Variants in CCNY observed in about 807,000 individuals in gnomAD.
CCNY encodes the protein cyclin-Y.
Under a neutral mutation model 42.8 loss-of-function variants are expected in CCNY, and 19 were observed. The ratio of observed to expected loss-of-function variants is 0.44; its 90% CI spans 0.31 to 0.65. The LOEUF (loss-of-function observed/expected upper bound fraction) is 0.65, where lower values mean the gene tolerates loss of function less well. Among genes scored for constraint, CCNY ranks in the 30% least tolerant of loss-of-function variants. The probability of loss-of-function intolerance (pLI) is 0.07; values close to 1 mark genes in which losing one functional copy is unlikely to be tolerated. For synonymous variants in CCNY, 165 were observed against 162.7 expected (o/e 1.01, Z -0.11); for missense variants, 370 against 437.3 (o/e 0.85, Z 1.37).
intron 7 of CCNY, among the ~76,000 whole-genome samples, chr10:35,534,268 C>T (rs1454018811): frequency 6.6e-6 from 1 of 152,156 alleles, no homozygotes; most frequent in Non-Finnish European, 1.5e-5. Flanking sequence ...GTGATCTGCC[C>T]ACCTCAGCCT....
intron 3 of CCNY, among the ~76,000 whole-genome samples, chr10:35,329,715 G>A (rs1167305350): frequency 6.6e-6 from 1 of 152,184 alleles, no homozygotes; most frequent in African/African-American, 2.4e-5. Flanking sequence ...CGAGGTCACA[G>A]GAGTAAAGTG....
chr10:35,437,099 A>G (rs1838552658), intron 1 of CCNY, among the ~76,000 whole-genome samples: 1 of 152,226 alleles, frequency 6.6e-6, no homozygotes, highest in Admixed American at 6.5e-5. Context: ...TCATGAGAAC[A>G]GTATGAGGGA....
At chr10:35,515,713 G>A (rs535248031) in intron 3 of CCNY, among the ~76,000 whole-genome samples, 4 of 152,290 alleles carry the variant, frequency 2.6e-5, no homozygotes, top group African/African-American at 9.6e-5. Context: ...GAACTATCCA[G>A]ATTGATGTGT....
Position 35,530,268 on chromosome 10 carries a change from C to T in CCNY, c.579+25C>T. On this transcript the variant is annotated intron_variant, in intron 7 of 9. Coordinates refer to ENST00000374704, the MANE Select transcript of CCNY (RefSeq NM_145012.6). The surrounding 1 kb of genome is among the most constrained non-coding windows in gnomAD (Gnocchi z 4.3). ...GGTGAGTGCCCTCAGGATGGCCACA[C>T]CCATCCCCAGCCGAGGTGGTCCAGG... The T allele has an allele frequency of 1.9e-6, 3 of 1,613,822 alleles. No individual in the cohort carries two copies. The South Asian group carries it at 3.3e-5, about 18-fold the overall frequency.
chr10:35,337,108 G>A lies in CCNY; in HGVS notation c.55G>A (p.Ala19Thr). 6.3e-7 allele frequency: 1 copy of A among 1,593,724 alleles called. No individual in the cohort carries two copies. Among genetic ancestry groups the A allele is most frequent in the Non-Finnish European group, 8.5e-7 (1 of 1,172,038 alleles). Residue 19 changes from alanine (A) to threonine (T), a missense_variant, in exon 1 of 10, where the codon GCC becomes ACC. Coordinates refer to ENST00000374704, the MANE Select transcript of CCNY (RefSeq NM_145012.6). ...GTCCAGTCCCAAGCTCCGGAGGAAT[G>A]CCCACTCCCGGCTGGAGTCCTACCG... is the stretch of plus-strand genomic sequence containing the variant. ...VSSSPKLRRNAHSRLESYRPD... is the reference protein window; with the variant it reads ...VSSSPKLRRNTHSRLESYRPD...
At chr10:35,526,122 A>G (rs1411697510) in intron 5 of CCNY, 123 bp downstream of exon 5, 5 of 858,962 alleles carry the variant, frequency 5.8e-6, no homozygotes, top group Non-Finnish European at 8.7e-6. Context: ...TTTTCATAGA[A>G]TTTCTAAAGG....
At chr10:35,270,283 C>T (rs1835146891) in intron 3 of CCNY, among the ~76,000 whole-genome samples, 1 of 152,126 alleles carries the variant, frequency 6.6e-6, no homozygotes, top group Non-Finnish European at 1.5e-5. Flanking sequence ...ACCCAGTCCC[C>T]TCCAAAAGGG....
At chr10:35,267,083 CA>C (rs34140857) in intron 3 of CCNY, among the ~76,000 whole-genome samples, 1,310 of 106,584 alleles carry the variant, frequency 0.012, 11 homozygotes, top group African/African-American at 0.034. Context: ...ACTTCTGTCT[CA>C]AAAAAAAAAA....
rs1443364474 is a variant in CCNY, at chr10:35,336,983, G to A, written c.-71G>A. Reference sequence around the variant, plus strand: ...CACACGCCCCCGCCGCCCGCGCCCCGCGTCCACCCGCGCCCCGCTCCCGGG... The same window carrying A: ...CACACGCCCCCGCCGCCCGCGCCCCACGTCCACCCGCGCCCCGCTCCCGGG... On this transcript the variant is annotated 5_prime_UTR_variant, in exon 1 of 10. Coordinates refer to ENST00000374704, the MANE Select transcript of CCNY (RefSeq NM_145012.6). 7.4e-6 allele frequency: 9 copies of A among 1,216,258 alleles called. No homozygotes were observed. The highest frequency in any genetic ancestry group is 9.4e-6 in the Non-Finnish European group (9 of 954,234). 75.3% of individuals were successfully genotyped at this position (1,216,258 alleles called of 1,614,324 possible). A position where few individuals can be genotyped will look rare whatever the true frequency, so the allele number is the denominator to read the frequency against.
At chr10:35,323,837 G>A (rs757024507) in intron 3 of CCNY, among the ~76,000 whole-genome samples, 11 of 152,080 alleles carry the variant, frequency 7.2e-5, no homozygotes, top group Non-Finnish European at 1.2e-4. Context: ...TGGCCAACAT[G>A]GTGAAACCCT....
At chr10:35,429,662 T>G (rs1209143965) in intron 1 of CCNY, among the ~76,000 whole-genome samples, 1 of 152,208 alleles carries the variant, frequency 6.6e-6, no homozygotes, top group African/African-American at 2.4e-5. Context: ...CTAGTTCAGT[T>G]GCTGGTATGT....
chr10:35,355,742 T>C (rs1285309477), intron 1 of CCNY, among the ~76,000 whole-genome samples: 1 of 148,102 alleles, frequency 6.8e-6, no homozygotes, highest in Non-Finnish European at 1.5e-5. Context: ...TTTTCTATAT[T>C]AATTATTTAA....
chr10:35,364,400 G>C (rs1836766107), intron 1 of CCNY, among the ~76,000 whole-genome samples: 1 of 152,274 alleles, frequency 6.6e-6, no homozygotes, highest in Non-Finnish European at 1.5e-5. Flanking sequence ...TTTACATGCT[G>C]TTTGTCCCAC....
At chr10:35,286,760 A>G (rs1835359490) in intron 3 of CCNY, among the ~76,000 whole-genome samples, 1 of 151,408 alleles carries the variant, frequency 6.6e-6, no homozygotes, top group African/African-American at 2.4e-5. Flanking sequence ...TGTGGGTTCA[A>G]GAGATCTTCT....
intron 3 of CCNY, among the ~76,000 whole-genome samples, chr10:35,307,875 T>C (rs1049566436): frequency 2.1e-5 from 3 of 144,518 alleles, no homozygotes; most frequent in Admixed American, 7.3e-5. Context: ...TGGAATGCAA[T>C]GGCGCAATCT....
intron 3 of CCNY, chr10:35,327,889 T>C (rs569395460): frequency 6.6e-6 from 1 of 152,396 alleles, no homozygotes; most frequent in East Asian, 1.9e-4. Context: ...CAAGAGCTGA[T>C]CCTGTTCTCT....
chr10:35,562,363 G>A (rs1259527617), intron 8 of CCNY, among the ~76,000 whole-genome samples: 2 of 152,196 alleles, frequency 1.3e-5, no homozygotes, highest in Admixed American at 1.3e-4. Context: ...ATACATTTCT[G>A]TAGCACTAAG....
chr10:35,406,540 T>C (rs955466095), intron 1 of CCNY, among the ~76,000 whole-genome samples: 2 of 152,042 alleles, frequency 1.3e-5, no homozygotes, highest in African/African-American at 2.4e-5. Flanking sequence ...GAGCACAGGG[T>C]TGGGGGTAAG....
intron 1 of CCNY, among the ~76,000 whole-genome samples, chr10:35,467,043 G>A (rs527498074): frequency 6.6e-6 from 1 of 152,316 alleles, no homozygotes; most frequent in South Asian, 2.1e-4. Context: ...TGTGAGCAGG[G>A]GCCATACCTG....
Sources: gnomAD v4.1 joint callset for allele counts (sites outside exome capture counted in the v4.1 genomes callset) on GRCh38, gnomAD v4.1.1 for gene constraint, Gnocchi (gnomAD v3.1) non-coding constraint, MANE v1.5 for transcripts, NCBI Gene and HGNC (gene_info 2026-07-23, HGNC 2026-07-21) for gene names.